Variants in CCDC191 observed in about 807,000 individuals in gnomAD.
CCDC191 encodes the protein coiled-coil domain containing 191.
CCDC191 carries 99 observed loss-of-function variants against 114.0 expected under a neutral mutation model. The ratio of observed to expected loss-of-function variants is 0.87; its 90% confidence interval spans 0.74 to 1.03. The LOEUF is 1.03. CCDC191 is among the 50% of genes least tolerant of loss of function. CCDC191 has a pLI of 0.00. For missense variants in CCDC191, 973 were observed against 1,087.0 expected, an observed-to-expected ratio of 0.90 and a Z score of 1.47; for synonymous variants, 351 against 376.0, an observed-to-expected ratio of 0.93 and a Z score of 0.77.
chr3:114,003,167 A>G (rs762182383), intron 11 of CCDC191: 23 of 985,306 alleles, frequency 2.3e-5, no homozygotes, highest in Non-Finnish European at 2.8e-5. Context: ...ACAGGCTATT[A>G]AATATCGATC....
intron 13 of CCDC191, among the ~76,000 whole-genome samples, chr3:113,987,638 G>A (rs1209401238): frequency 6.6e-6 from 1 of 152,174 alleles, no homozygotes; most frequent in African/African-American, 2.4e-5. Flanking sequence ...GACTCAGGCA[G>A]TCCTCCTGCC....
chr3:113,971,825 G>A (rs1329703215), intron 16 of CCDC191, among the ~76,000 whole-genome samples: 3 of 151,986 alleles, frequency 2.0e-5, no homozygotes, highest in Non-Finnish European at 4.4e-5. Context: ...TCTTTTAGGT[G>A]AGACTTTTTA....
At chr3:114,034,744 G>A (rs145663976) in intron 6 of CCDC191, among the ~76,000 whole-genome samples, 181 bp downstream of exon 6, 36 of 152,146 alleles carry the variant, frequency 2.4e-4, no homozygotes, top group Middle Eastern at 3.4e-3. Flanking sequence ...GTATGGAAAG[G>A]GACCACGTCA....
At chr3:113,998,222 C>G (rs905304325) in intron 13 of CCDC191, among the ~76,000 whole-genome samples, 2 of 148,260 alleles carry the variant, frequency 1.3e-5, no homozygotes, top group Admixed American at 6.9e-5. Flanking sequence ...AGGAGAATCA[C>G]TTGAACCCGG....
intron 11 of CCDC191, chr3:114,004,143 A>G (rs1422242862): frequency 4.2e-6 from 4 of 956,102 alleles, no homozygotes; most frequent in Admixed American, 6.2e-5. Flanking sequence ...CAAAAATGTT[A>G]TCAAATTAAC....
At chr3:114,019,400 T>G (rs2076212040) in intron 7 of CCDC191, among the ~76,000 whole-genome samples, 1 of 152,130 alleles carries the variant, frequency 6.6e-6, no homozygotes, top group South Asian at 2.1e-4. Context: ...ACTTTAGGGC[T>G]TTGGTGAGTC....
chr3:113,997,976 T>C (rs2075765416), intron 13 of CCDC191, among the ~76,000 whole-genome samples: 1 of 152,046 alleles, frequency 6.6e-6, no homozygotes, highest in Non-Finnish European at 1.5e-5. Context: ...ACACTATACT[T>C]TTTATCATTA....
chr3:114,056,435 G>T lies in CCDC191; in HGVS notation c.32C>A (p.Ser11Ter), dbSNP rs750284136. The stretch of plus-strand genomic sequence containing the variant: ...GCGATTCAGCCCCATCCTTTTCTTT[G>T]AGAAGGACCTTCCCTGAGGCGCCAG... MLLAPQGRSF[S>*]KKRMGLNRWK... is the part of the protein sequence containing the mutation. Residue 11 changes from serine to a stop codon, truncating the protein, a stop_gained, in exon 1 of 17, where the codon TCA (serine) becomes TAA (stop). Transcript: ENST00000295878. LOFTEE classifies it high-confidence loss of function. The T allele has an allele frequency of 1.9e-6, 3 of 1,614,102 alleles. No individual in the cohort carries two copies. In the South Asian group the frequency reaches 3.3e-5, roughly 18 times the overall value.
intron 9 of CCDC191, among the ~76,000 whole-genome samples, chr3:114,006,601 T>A (rs1158493001): frequency 2.2e-5 from 3 of 136,314 alleles, no homozygotes; most frequent in African/African-American, 8.4e-5. Context: ...TATATATATA[T>A]ATATATATAT....
chr3:113,980,511 A>C (rs1445484774), intron 14 of CCDC191, 139 bp downstream of exon 14: 1 of 804,390 alleles, frequency 1.2e-6, no homozygotes, highest in Non-Finnish European at 1.9e-6. Flanking sequence ...TTGTATCCAA[A>C]ACAAATACAC....
chr3:114,038,544 T>C (rs975774200), intron 4 of CCDC191, among the ~76,000 whole-genome samples: 2 of 152,196 alleles, frequency 1.3e-5, no homozygotes, highest in Non-Finnish European at 2.9e-5. Context: ...TGATTCCATG[T>C]CTTTGCTATT....
intron 14 of CCDC191, 79 bp downstream of exon 14, chr3:113,980,571 C>T: frequency 3.0e-6 from 4 of 1,319,638 alleles, no homozygotes; most frequent in Non-Finnish European, 3.1e-6. Context: ...ACCCTACCCT[C>T]CCCCAAGCTT....
chr3:113,988,107 T>G (rs2075429251), intron 13 of CCDC191, among the ~76,000 whole-genome samples: 1 of 151,292 alleles, frequency 6.6e-6, no homozygotes, highest in Admixed American at 6.6e-5. Flanking sequence ...AATAGAATCA[T>G]AAAGATGCTT....
At chr3:113,982,231 T>C (rs1373373681) in intron 13 of CCDC191, among the ~76,000 whole-genome samples, 1 of 152,148 alleles carries the variant, frequency 6.6e-6, no homozygotes, top group Non-Finnish European at 1.5e-5. Context: ...CCAGACTTTT[T>C]CAAAGTCTAC....
At chr3:113,982,530 A>T (rs2075194310) in intron 13 of CCDC191, among the ~76,000 whole-genome samples, 1 of 152,260 alleles carries the variant, frequency 6.6e-6, no homozygotes, top group Admixed American at 6.5e-5. Context: ...TAGAACACAG[A>T]TCACTGAGGC....
intron 7 of CCDC191, among the ~76,000 whole-genome samples, chr3:114,023,039 A>C (rs1361775987): frequency 6.6e-6 from 1 of 152,174 alleles, no homozygotes; most frequent in African/African-American, 2.4e-5. Context: ...ATGTGCAAAA[A>C]CCATAAGCAT....
At chr3:114,021,053 C>T (rs180810623) in intron 7 of CCDC191, among the ~76,000 whole-genome samples, 5 of 152,162 alleles carry the variant, frequency 3.3e-5, no homozygotes, top group African/African-American at 9.6e-5. Context: ...AGTGTTACAC[C>T]TAAGGCTGAA....
chr3:114,053,529 A>G, intron 2 of CCDC191, 68 bp downstream of exon 2: 2 of 911,848 alleles, frequency 2.2e-6, no homozygotes, highest in Non-Finnish European at 3.4e-6. Context: ...ATCTATTCAT[A>G]TTTCTTTTCC....
Position 114,018,455 on chromosome 3 carries a change from AC to A in CCDC191, c.1163+222del, listed in dbSNP as rs532022718. On this transcript the variant is annotated intron_variant, in intron 8 of 16. Transcript: ENST00000295878. Reference sequence around the variant, plus strand: ...CTTCTGAGTAGCTGGAATTACAGGCACACCCCACTGCTCCCGGCTAGCACAT... The same window carrying A: ...CTTCTGAGTAGCTGGAATTACAGGCAACCCCACTGCTCCCGGCTAGCACAT... Among the ~76,000 whole-genome samples, 194 of 152,052 alleles carry A rather than the reference AC, an allele frequency of 1.3e-3. 3 individuals carry two copies. The highest frequency in any genetic ancestry group is 4.6e-3 in the African/African-American group (189 of 41,472).
Sources: gnomAD v4.1 joint callset for allele counts (sites outside exome capture counted in the v4.1 genomes callset) on GRCh38, gnomAD v4.1.1 for gene constraint, MANE v1.5 for transcripts, NCBI Gene and HGNC (gene_info 2026-07-23, HGNC 2026-07-21) for gene names.